The following APBA2 variants were observed in gnomAD, a reference collection of about 807,000 sequenced individuals.
APBA2 encodes the protein amyloid-beta A4 precursor protein-binding family A member 2.
Under a neutral mutation model 75.0 loss-of-function variants are expected in APBA2, and 30 were observed. The observed-to-expected ratio is 0.40, with a 90% CI of 0.30 to 0.54. The LOEUF (loss-of-function observed/expected upper bound fraction) is 0.54. Among genes scored for constraint, APBA2 ranks in the 20% least tolerant of loss-of-function variants. The pLI, the probability that APBA2 is intolerant of heterozygous loss-of-function variation, is 0.49. For synonymous variants in APBA2, 444 were observed against 409.6 expected, an observed-to-expected ratio of 1.08 and a Z score of -1.01; for missense variants, 801 against 1,016.1, an observed-to-expected ratio of 0.79 and a Z score of 2.88.
At chr15:29,020,774 C>T (rs942454931) in intron 3 of APBA2, among the ~76,000 whole-genome samples, 8 of 152,262 alleles carry the variant, frequency 5.3e-5, no homozygotes, top group African/African-American at 1.9e-4. Flanking sequence ...CATGCCATTG[C>T]ACTCCAGCCT....
At chr15:29,050,062 C>T (rs1049978024) in intron 3 of APBA2, among the ~76,000 whole-genome samples, 1 of 152,142 alleles carries the variant, frequency 6.6e-6, no homozygotes, top group South Asian at 2.1e-4. Flanking sequence ...TTAAAAAAGA[C>T]CCTTATCTAG....
intron 9 of APBA2, 34 bp from the exon 10 acceptor site, chr15:29,101,565 G>T (rs572622006): frequency 6.2e-7 from 1 of 1,602,338 alleles, no homozygotes; most frequent in African/African-American, 1.3e-5. Context: ...TCCCAGTAGT[G>T]TTCCCTGACG....
chr15:29,045,539 G>A lies in APBA2; in HGVS notation c.-40-8306G>A, dbSNP rs144932749. 4.6e-3 allele frequency among the ~76,000 whole-genome samples: 701 copies of A among 152,274 alleles called. 4 individuals are homozygous for A. Among genetic ancestry groups the A allele is most frequent in the Admixed American group, 0.022 (331 of 15,310 alleles). On this transcript the variant is annotated intron_variant, in intron 3 of 14. Coordinates refer to ENST00000683413, the MANE Select transcript of APBA2 (RefSeq NM_001353788.2). Reference sequence around the variant, plus strand: ...TGGGGGCGATGCAAACATTCAGTCTGTAGTGGTCAGATGATATCTATTCAG... The same window carrying A: ...TGGGGGCGATGCAAACATTCAGTCTATAGTGGTCAGATGATATCTATTCAG...
intron 2 of APBA2, among the ~76,000 whole-genome samples, chr15:28,949,702 C>T (rs2035747414): frequency 6.6e-6 from 1 of 152,188 alleles, no homozygotes; most frequent in African/African-American, 2.4e-5. Context: ...CTCCTGGGCT[C>T]AAGTGATCCT....
chr15:28,947,844 A>G (rs924787117), intron 2 of APBA2, among the ~76,000 whole-genome samples: 3 of 152,110 alleles, frequency 2.0e-5, no homozygotes, highest in African/African-American at 7.3e-5. Context: ...CTAAATTGCT[A>G]ATGTTTGAAG....
In APBA2 at chr15:29,097,116, C is replaced by G. The variant is rs1039258485; in HGVS notation, c.1252-1374C>G. On this transcript the variant is annotated intron_variant, in intron 8 of 14. Coordinates refer to ENST00000683413, the MANE Select transcript of APBA2 (RefSeq NM_001353788.2). ...TAGGCCAGCCCCAGGGCTCAGTCCC[C>G]CAAGGACGCTGTGGGATGGACATGG... Among the ~76,000 whole-genome samples, 17 of 152,372 alleles carry G rather than the reference C, an allele frequency of 1.1e-4. No individual in the cohort carries two copies. In the South Asian group the frequency reaches 1.7e-3, roughly 15 times the overall value.
At chr15:29,035,067 A>G (rs1192571331) in intron 3 of APBA2, among the ~76,000 whole-genome samples, 2 of 152,188 alleles carry the variant, frequency 1.3e-5, no homozygotes, top group African/African-American at 2.4e-5. Flanking sequence ...GCTAGCTAGC[A>G]TTCAGGTCCC....
intron 2 of APBA2, among the ~76,000 whole-genome samples, chr15:28,944,238 C>T (rs915776225): frequency 3.3e-5 from 5 of 152,140 alleles, no homozygotes; most frequent in Non-Finnish European, 4.4e-5. Context: ...AGAGCTCTTT[C>T]GCGGTTTGGG....
chr15:29,065,626 G>A (rs2152910910), intron 4 of APBA2, among the ~76,000 whole-genome samples: 1 of 152,294 alleles, frequency 6.6e-6, no homozygotes, highest in South Asian at 2.1e-4. Flanking sequence ...GAGGCCTCCA[G>A]GACTTGCCAC....
chr15:29,117,032 A>C (rs1402956695), intron 14 of APBA2, 30 bp from the exon 15 acceptor site: 2 of 1,610,118 alleles, frequency 1.2e-6, no homozygotes. Flanking sequence ...GTGGGAGGGC[A>C]GCGGCTCAGC....
intron 1 of APBA2, among the ~76,000 whole-genome samples, chr15:28,894,664 T>C (rs1364656691): frequency 6.6e-6 from 1 of 152,134 alleles, no homozygotes; most frequent in Non-Finnish European, 1.5e-5. Flanking sequence ...TTGGTGGCCC[T>C]AGAGAGTCCT....
rs1217134628 is a variant in APBA2, at chr15:28,991,842, T to C, written c.-94-3911T>C. Among the ~76,000 whole-genome samples the C allele has an allele frequency of 1.3e-5, 2 of 152,182 alleles. No homozygotes were observed. Among genetic ancestry groups the C allele is most frequent in the Admixed American group, 1.3e-4 (2 of 15,270 alleles). ...CTTCGGGTTATTATTGTTCACCAGA[T>C]TCCACTTGCTCTACAACCCAGGCAC... On this transcript the variant is annotated intron_variant, in intron 2 of 14. Transcript: ENST00000683413. This position sits in a 1 kb window ranked among gnomAD's most constrained non-coding sequence, Gnocchi z 4.7.
rs75475629 is a variant in APBA2 at position 29,077,181 on chromosome 15, T to C, written c.1069+1090T>C. Among the ~76,000 whole-genome samples the C allele has an allele frequency of 4.2e-3, 633 of 152,292 alleles. 6 individuals are homozygous for C. Among genetic ancestry groups the C allele is most frequent in the African/African-American group, 0.015 (617 of 41,554 alleles). On this transcript the variant is annotated intron_variant, in intron 6 of 14. Coordinates refer to ENST00000683413, the MANE Select transcript of APBA2 (RefSeq NM_001353788.2). ...TTAGGTACATTTTATCTGGTTCAAA[T>C]TGGTTTTCTTCAGGCCACAGCAGGT...
At chr15:28,928,670 C>G (rs1384294930) in intron 2 of APBA2, among the ~76,000 whole-genome samples, 1 of 152,186 alleles carries the variant, frequency 6.6e-6, no homozygotes, top group Non-Finnish European at 1.5e-5. Context: ...AAGTCTTTCC[C>G]TGCGGGGAGC....
At chr15:29,023,219 A>G (rs922583044) in intron 3 of APBA2, among the ~76,000 whole-genome samples, 3 of 152,164 alleles carry the variant, frequency 2.0e-5, no homozygotes, top group African/African-American at 7.2e-5. Flanking sequence ...TAGGGTAACC[A>G]GCCCCAGACT....
chr15:29,086,247 G>T (rs2043286370), intron 6 of APBA2, among the ~76,000 whole-genome samples: 1 of 152,148 alleles, frequency 6.6e-6, no homozygotes, highest in Non-Finnish European at 1.5e-5. Flanking sequence ...CCCTCTTCAG[G>T]CATTCAGATG....
At position 29,093,127 on chromosome 15, in the gene APBA2, C is replaced by T. The variant is rs752439682; in HGVS notation, c.1122C>T (p.Ala374=). The change falls in exon 7 of 15, where the codon GCC becomes GCT. Residue 374 remains alanine, a synonymous_variant. Transcript: ENST00000683413. ...EDLIDGIIFA[A]NYLGSTQLLS... is the part of the protein sequence containing the mutation. ...TCATCGACGGGATCATCTTTGCTGCCAATTACCTGGGGTCCACCCAGCTGC... is the reference window on the plus strand; with the variant it reads ...TCATCGACGGGATCATCTTTGCTGCTAATTACCTGGGGTCCACCCAGCTGC... The T allele has an allele frequency of 1.1e-5, 18 of 1,614,144 alleles. No homozygotes were observed. The East Asian group carries it at 3.6e-4, about 32-fold the overall frequency.
At position 29,074,991 on chromosome 15, in the gene APBA2, A is replaced by G. The variant is rs1241723268; in HGVS notation, c.1022A>G (p.Asn341Ser). 1.4e-5 allele frequency: 22 copies of G among 1,613,622 alleles called. No homozygotes were observed. The highest frequency in any genetic ancestry group is 1.8e-5 in the Non-Finnish European group (21 of 1,179,736). Reference protein sequence around the residue: ...SDLNGPVDNNNIPETKKVASF... With the variant: ...SDLNGPVDNNSIPETKKVASF... ...CTCAATGGACCTGTTGACAATAACA[A>G]CATTCCAGAGGTAATTTTTTTCAAG... Residue 341 changes from asparagine (N) to serine (S), a missense_variant, in exon 5 of 15, where the codon AAC becomes AGC. Physicochemically the swap from Asn to Ser is conservative, Grantham distance 46. Transcript: ENST00000683413.
At chr15:29,052,002 A>T (rs1053761085) in intron 3 of APBA2, among the ~76,000 whole-genome samples, 8 of 152,176 alleles carry the variant, frequency 5.3e-5, no homozygotes, top group Admixed American at 2.6e-4. Context: ...GACATAAAAA[A>T]TTTAGCATTT....
Sources: gnomAD v4.1 joint callset for allele counts (sites outside exome capture counted in the v4.1 genomes callset) on GRCh38, gnomAD v4.1.1 for gene constraint, Gnocchi (gnomAD v3.1) non-coding constraint, MANE v1.5 for transcripts, NCBI Gene and HGNC (gene_info 2026-07-23, HGNC 2026-07-21) for gene names.